TET1: variants seen among roughly 807,000 people sequenced by gnomAD.
TET1 encodes methylcytosine dioxygenase TET1.
In TET1, 13 loss-of-function variants were observed where a neutral mutation model predicts 148.7. The ratio of observed to expected loss-of-function variants is 0.09; its 90% confidence interval spans 0.06 to 0.14. The LOEUF (loss-of-function observed/expected upper bound fraction) is 0.14. Ranked by LOEUF, TET1 falls within the 10% of genes least tolerant of loss-of-function variation. The pLI, the probability that TET1 is intolerant of heterozygous loss-of-function variation, is 1.00. For missense variants in TET1, 2,182 were observed against 2,553.8 expected, an observed-to-expected ratio of 0.85 and a Z score of 3.14; for synonymous variants, 907 against 937.2, an observed-to-expected ratio of 0.97 and a Z score of 0.59.
chr10:68,674,974 C>T (rs2055330025), intron 8 of TET1: 1 of 383,592 alleles, frequency 2.6e-6, no homozygotes, highest in Admixed American at 3.7e-5. Context: ...CTGAAGAAGC[C>T]TAGCTTTGAA....
chr10:68,622,463 A>C lies in TET1; in HGVS notation c.1968+21429A>C, dbSNP rs900860368. Among the ~76,000 whole-genome samples the C allele has an allele frequency of 7.2e-5, 11 of 151,824 alleles. No individual in the cohort carries two copies. In the South Asian group the frequency reaches 2.3e-3, roughly 31 times the overall value. ...TATTTTTTTTAGTAGAGACGGTTTC[A>C]CCATGTTCGCCAGGCTGGTCTGGAA... is the stretch of plus-strand genomic sequence containing the variant. On this transcript the variant is annotated intron_variant, in intron 3 of 11. Coordinates refer to ENST00000373644, the MANE Select transcript of TET1 (RefSeq NM_030625.3).
chr10:68,666,434 C>T (rs563912566), intron 6 of TET1, among the ~76,000 whole-genome samples: 61 of 152,206 alleles, frequency 4.0e-4, no homozygotes, highest in Non-Finnish European at 7.8e-4. Context: ...GGCCAAAATT[C>T]GTTGTCAAGT....
chr10:68,596,021 C>CATATATATATATATATAT (rs1271069239), intron 2 of TET1, among the ~76,000 whole-genome samples: 2 of 102,710 alleles, frequency 1.9e-5, no homozygotes, highest in African/African-American at 9.6e-5. Context: ...CACACACACA[C>CATATATATATATATATAT]ACACACATAT....
At chr10:68,632,582 T>A in intron 3 of TET1, 1 of 1,598,252 alleles carries the variant, frequency 6.3e-7, no homozygotes, top group South Asian at 1.1e-5. Context: ...TTGGTGACTT[T>A]GGGATGCTGG....
At chr10:68,677,679 C>T (rs1392690050) in intron 8 of TET1, among the ~76,000 whole-genome samples, 6 of 151,914 alleles carry the variant, frequency 3.9e-5, no homozygotes, top group East Asian at 1.9e-4. Flanking sequence ...GACGGAGTTT[C>T]GGTCTTGCCC....
intron 6 of TET1, among the ~76,000 whole-genome samples, chr10:68,659,302 GCA>G (rs2133144885): frequency 1.5e-5 from 1 of 67,626 alleles, no homozygotes; most frequent in Non-Finnish European, 4.6e-5. Flanking sequence ...AGTCAATAGA[GCA>G]GATGTGGCAA....
At position 68,692,855 on chromosome 10, in the gene TET1, A is replaced by G. The variant is rs1366375397; in HGVS notation, c.*1041A>G. 8.6e-6 allele frequency: 2 copies of G among 231,836 alleles called. No individual in the cohort carries two copies. Among genetic ancestry groups the G allele is most frequent in the Non-Finnish European group, 1.7e-5 (2 of 117,416 alleles). The allele number at this position is 231,836 out of a possible 1,614,324, so 14.4% of individuals were successfully genotyped here. A position where few individuals can be genotyped will look rare whatever the true frequency, so the allele number is the denominator to read the frequency against. On this transcript the variant is annotated 3_prime_UTR_variant, in exon 12 of 12. Transcript: ENST00000373644. ...ATGAGGGAACAGGATAGGTTTCAGA[A>G]GAGTCAAATGCTTCTAATGTCTCAA...
intron 3 of TET1, among the ~76,000 whole-genome samples, chr10:68,624,798 C>T (rs989524932): frequency 6.6e-6 from 1 of 150,388 alleles, no homozygotes; most frequent in Non-Finnish European, 1.5e-5. Flanking sequence ...GTGGCGCAAT[C>T]TCAGCTCACT....
At chr10:68,578,876 G>A (rs1195786010) in intron 2 of TET1, among the ~76,000 whole-genome samples, 3 of 152,082 alleles carry the variant, frequency 2.0e-5, no homozygotes, top group Non-Finnish European at 2.9e-5. Context: ...AATTTGCCGG[G>A]CGTGATAGCT....
At chr10:68,632,750 A>T in intron 3 of TET1, 1 of 1,587,330 alleles carries the variant, frequency 6.3e-7, no homozygotes, top group Non-Finnish European at 8.6e-7. Context: ...ATAGAAAAGA[A>T]GTCAATGTAA....
At chr10:68,643,261 C>CAA (rs59820865) in intron 3 of TET1, among the ~76,000 whole-genome samples, 69,591 of 91,670 alleles carry the variant, frequency 0.76, 28,094 homozygotes, top group East Asian at 0.9. Context: ...GACCCTGTCT[C>CAA]AAAAAAAAAA....
At position 68,692,143 on chromosome 10, in the gene TET1, T is replaced by TA. The variant is rs1319578299; in HGVS notation, c.*330dup. Reference sequence around the variant, plus strand: ...TTTACTATGAAACAAGAGTCATTTTTAGAGGATTTTAACAGGTTCATGTTC... The same window carrying TA: ...TTTACTATGAAACAAGAGTCATTTTTAAGAGGATTTTAACAGGTTCATGTTC... On this transcript the variant is annotated 3_prime_UTR_variant, in exon 12 of 12. Coordinates refer to ENST00000373644, the MANE Select transcript of TET1 (RefSeq NM_030625.3). 3.2e-6 allele frequency: 1 copy of TA among 308,124 alleles called. No individual in the cohort carries two copies. Among genetic ancestry groups the TA allele is most frequent in the Non-Finnish European group, 6.0e-6 (1 of 165,422 alleles). 19.1% of individuals were successfully genotyped at this position (308,124 alleles called of 1,614,324 possible).
intron 7 of TET1, among the ~76,000 whole-genome samples, chr10:68,667,645 G>A (rs2055212361): frequency 6.6e-6 from 1 of 151,988 alleles, no homozygotes; most frequent in Non-Finnish European, 1.5e-5. Context: ...TCAGGAGGCT[G>A]AGGCAGGAGA....
chr10:68,595,697 A>C (rs528396387), intron 2 of TET1, among the ~76,000 whole-genome samples: 1 of 137,558 alleles, frequency 7.3e-6, no homozygotes, highest in African/African-American at 2.8e-5. Context: ...GCTTAACTGC[A>C]AACTCCGCCT....
At chr10:68,638,762 AGTTTGT>A (rs747655767) in intron 3 of TET1, among the ~76,000 whole-genome samples, 4 of 92,378 alleles carry the variant, frequency 4.3e-5, no homozygotes, top group Non-Finnish European at 9.3e-5. Context: ...GCATGTATGG[AGTTTGT>A]GTGTGTGTGT....
Position 68,572,645 on chromosome 10 carries a change from A to G in TET1, c.307A>G (p.Thr103Ala), listed in dbSNP as rs1564947931. 1.2e-6 allele frequency: 2 copies of G among 1,614,188 alleles called. No individual in the cohort carries two copies. The highest frequency in any genetic ancestry group is 8.5e-7 in the Non-Finnish European group (1 of 1,180,016). The change falls in exon 2 of 12, where the codon ACA becomes GCA. Residue 103 changes from threonine (T) to alanine (A), a missense_variant. Transcript: ENST00000373644. ...NPESLTCNGF[T>A]MALRSTSLSR... is the part of the protein sequence containing the mutation. Reference sequence around the variant, plus strand: ...AGAGTCCTTAACCTGCAATGGGTTTACAATGGCGCTACGAAGCACCTCTCT... The same window carrying G: ...AGAGTCCTTAACCTGCAATGGGTTTGCAATGGCGCTACGAAGCACCTCTCT...
intron 2 of TET1, among the ~76,000 whole-genome samples, chr10:68,599,371 C>T (rs1330563961): frequency 6.6e-6 from 1 of 152,220 alleles, no homozygotes. Context: ...GGACTGTGAC[C>T]GCCCTCTACA....
chr10:68,596,398 G>A (rs7084532), intron 2 of TET1, among the ~76,000 whole-genome samples: 9,012 of 152,046 alleles, frequency 0.059, 632 homozygotes, highest in African/African-American at 0.17. Context: ...GTTCTAACCT[G>A]CTGTGCAAGC....
intron 7 of TET1, among the ~76,000 whole-genome samples, chr10:68,671,375 G>A (rs74664340): frequency 0.024 from 3,675 of 152,288 alleles, 143 homozygotes; most frequent in African/African-American, 0.084. Context: ...CAAAAGACAC[G>A]ATTATGTTCT....
Sources: allele counts gnomAD v4.1 joint callset (sites outside exome capture counted in the v4.1 genomes callset), GRCh38; gene constraint gnomAD v4.1.1; transcripts MANE v1.5; gene names NCBI Gene and HGNC (gene_info 2026-07-23, HGNC 2026-07-21).